Variants in ZSWIM7 observed in about 807,000 individuals in gnomAD.
ZSWIM7 encodes zinc finger SWIM-type containing 7, also known as zinc finger SWIM domain-containing protein 7.
Under a neutral mutation model 21.1 loss-of-function variants are expected in ZSWIM7, and 22 were observed. The observed-to-expected ratio is 1.04, with a 90% CI of 0.74 to 1.49. The LOEUF (loss-of-function observed/expected upper bound fraction) is 1.49, where lower values mean the gene tolerates loss of function less well. Ranked by LOEUF, ZSWIM7 falls within the 40% of genes most tolerant of loss-of-function variation. The probability of loss-of-function intolerance (pLI) is 0.00; values close to 1 mark genes in which losing one functional copy is unlikely to be tolerated. For synonymous variants in ZSWIM7, 67 were observed against 66.5 expected, an observed-to-expected ratio of 1.01 and a Z score of -0.04; for missense variants, 193 against 168.0, an observed-to-expected ratio of 1.15 and a Z score of -0.82.
intron 3 of ZSWIM7, among the ~76,000 whole-genome samples, chr17:15,985,259 A>G (rs1263433958): frequency 6.6e-6 from 1 of 151,580 alleles, no homozygotes; most frequent in Non-Finnish European, 1.5e-5. Flanking sequence ...AGCTAAGATC[A>G]TGCCAATGCA....
chr17:15,998,328 T>C (rs1336684090), intron 1 of ZSWIM7, among the ~76,000 whole-genome samples: 1 of 152,208 alleles, frequency 6.6e-6, no homozygotes, highest in Non-Finnish European at 1.5e-5. Context: ...TTCAAGCACA[T>C]ATACTTAAGT....
rs1195917485 is a variant in ZSWIM7 at position 15,978,957 on chromosome 17, TTTTTAA to T, written c.307-800_307-795del. 2.9e-4 allele frequency among the ~76,000 whole-genome samples: 44 copies of T among 151,730 alleles called. 1 individual carries two copies. In the East Asian group the frequency reaches 7.3e-3, roughly 25 times the overall value. ...TCTAGGCTACTCTCTCTTTTTTTTT[TTTTTAA>T]TTTTAATTTTAATTTTTGTTTTATT... On this transcript the variant is annotated intron_variant, in intron 4 of 4. Coordinates refer to ENST00000399277, the MANE Select transcript of ZSWIM7 (RefSeq NM_001042697.2).
intron 1 of ZSWIM7, among the ~76,000 whole-genome samples, chr17:15,995,699 C>T (rs763686185): frequency 2.1e-4 from 32 of 151,168 alleles, no homozygotes; most frequent in Non-Finnish European, 3.8e-4. Flanking sequence ...GTAAGTCAAC[C>T]AGAAGGACAA....
Position 15,991,271 on chromosome 17 carries a change from A to G in ZSWIM7, c.98+2486T>C, listed in dbSNP as rs556315026. On this transcript the variant is annotated intron_variant, in intron 2 of 4. Coordinates refer to ENST00000399277, the MANE Select transcript of ZSWIM7 (RefSeq NM_001042697.2). ...CTCCTCAAACTCCATGAATTGTTAG[A>G]TTGTTTCTATGTTTTATTGCTACCA... Among the ~76,000 whole-genome samples the G allele has an allele frequency of 3.9e-5, 6 of 152,192 alleles. No individual in the cohort carries two copies. In the South Asian group the frequency reaches 1.0e-3, roughly 26 times the overall value.
rs1970513044 is a variant in ZSWIM7 at position 15,993,741 on chromosome 17, C to T, written c.98+16G>A. The T allele has an allele frequency of 6.9e-7, 1 of 1,450,656 alleles. No individual in the cohort carries two copies. The highest frequency in any genetic ancestry group is 2.3e-5 in the East Asian group (1 of 43,050). The allele number at this position is 1,450,656 out of a possible 1,614,324, so 89.9% of individuals were successfully genotyped here. On this transcript the variant is annotated intron_variant, in intron 2 of 4. Transcript: ENST00000399277. ...ATGGTTAAAAAAAAATCAAATACAACAGTATATGTACTTACGATAACAGAT... is the reference window on the plus strand; with the variant it reads ...ATGGTTAAAAAAAAATCAAATACAATAGTATATGTACTTACGATAACAGAT...
intron 2 of ZSWIM7, among the ~76,000 whole-genome samples, chr17:15,989,399 C>G (rs562320653): frequency 6.6e-6 from 1 of 151,878 alleles, no homozygotes; most frequent in East Asian, 1.9e-4. Flanking sequence ...CTCACTGCAA[C>G]TTCTGCCTCC....
At position 15,987,327 on chromosome 17, in the gene ZSWIM7, T is replaced by C; in HGVS notation, c.140A>G (p.Asp47Gly). 1 of 1,613,622 alleles carries C rather than the reference T, an allele frequency of 6.2e-7. No individual in the cohort carries two copies. Among genetic ancestry groups the C allele is most frequent in the Non-Finnish European group, 8.5e-7 (1 of 1,179,826 alleles). Reference protein sequence around the residue: ...LFGSSATQALDLVDRQSITLI... With the variant: ...LFGSSATQALGLVDRQSITLI... Reference sequence around the variant, plus strand: ...GGTGATGGACTGTCGATCAACTAGGTCCAAGGCCTGGGTGGCTGATGAGCC... The same window carrying C: ...GGTGATGGACTGTCGATCAACTAGGCCCAAGGCCTGGGTGGCTGATGAGCC... The change falls in exon 3 of 5, where the codon GAC becomes GGC. Residue 47 changes from aspartate (D) to glycine (G), a missense_variant. Transcript: ENST00000399277.
intron 4 of ZSWIM7, among the ~76,000 whole-genome samples, chr17:15,979,882 C>T (rs1273392764): frequency 1.8e-5 from 1 of 54,750 alleles, no homozygotes; most frequent in Non-Finnish European, 3.4e-5. Flanking sequence ...GGGGCTGACC[C>T]CCCCACCTCC....
chr17:15,987,393 T>C, intron 2 of ZSWIM7, 25 bp from the exon 3 acceptor site: 6 of 1,593,002 alleles, frequency 3.8e-6, no homozygotes, highest in Non-Finnish European at 5.2e-6. Flanking sequence ...CACTTCAGAT[T>C]AGAAGGCCTG....
rs779182732 is a variant in ZSWIM7, at chr17:15,987,354, A to G, written c.113T>C (p.Phe38Ser). 1.9e-6 allele frequency: 3 copies of G among 1,613,168 alleles called. No individual in the cohort carries two copies. Among genetic ancestry groups the G allele is most frequent in the Admixed American group, 3.3e-5 (2 of 59,824 alleles). ...DEYLLSLKFLFGSSATQALDL... is the reference protein window; with the variant it reads ...DEYLLSLKFLSGSSATQALDL... Reference sequence around the variant, plus strand: ...CAAGGCCTGGGTGGCTGATGAGCCAAAGAGAAACTTCAGCCTGTGAAATAA... The same window carrying G: ...CAAGGCCTGGGTGGCTGATGAGCCAGAGAGAAACTTCAGCCTGTGAAATAA... The change falls in exon 3 of 5, where the codon TTT (phenylalanine) becomes TCT (serine). Residue 38 changes from phenylalanine (F) to serine (S), a missense_variant. By Grantham distance (155) the Phe-to-Ser change is radical. Coordinates refer to ENST00000399277, the MANE Select transcript of ZSWIM7 (RefSeq NM_001042697.2).
At chr17:15,995,489 C>T (rs560012815) in intron 1 of ZSWIM7, among the ~76,000 whole-genome samples, 3 of 150,908 alleles carry the variant, frequency 2.0e-5, no homozygotes, top group African/African-American at 4.9e-5. Context: ...CTCGAACTCC[C>T]GACTTCAGAT....
chr17:15,998,438 G>C (rs1011743646), intron 1 of ZSWIM7, among the ~76,000 whole-genome samples: 3 of 152,294 alleles, frequency 2.0e-5, no homozygotes, highest in African/African-American at 7.2e-5. Flanking sequence ...ATGCAGTACA[G>C]TACTTTTAAA....
intron 1 of ZSWIM7, among the ~76,000 whole-genome samples, chr17:15,996,024 T>C (rs1345786568): frequency 2.6e-5 from 4 of 152,206 alleles, no homozygotes; most frequent in Admixed American, 1.3e-4. Context: ...AGAAATATTA[T>C]TTCCAACAAA....
intron 2 of ZSWIM7, among the ~76,000 whole-genome samples, chr17:15,990,372 G>C (rs1322197560): frequency 6.6e-6 from 1 of 151,788 alleles, no homozygotes; most frequent in Non-Finnish European, 1.5e-5. Flanking sequence ...CTGAGTTGGA[G>C]TCTCACTGTG....
rs1200123979 is a variant in ZSWIM7, at chr17:15,978,133, G to T, written c.337C>A (p.Gln113Lys). The T allele has an allele frequency of 5.0e-6, 8 of 1,614,082 alleles. No homozygotes were observed. Among genetic ancestry groups the T allele is most frequent in the Non-Finnish European group, 6.8e-6 (8 of 1,179,982 alleles). Residue 113 changes from glutamine to lysine, a missense_variant, in exon 5 of 5, where the codon CAG becomes AAG. Physicochemically the swap from Gln to Lys is moderately conservative, Grantham distance 53. Coordinates refer to ENST00000399277, the MANE Select transcript of ZSWIM7 (RefSeq NM_001042697.2). The part of the protein sequence containing the change: ...CKHLLAVYLS[Q>K]VMRTCQQLSV... Reference sequence around the variant, plus strand: ...AGCTGCTGACAGGTCCTCATAACCTGACTCAGGTAAACTGCCAAGAGATGC... The same window carrying T: ...AGCTGCTGACAGGTCCTCATAACCTTACTCAGGTAAACTGCCAAGAGATGC...
At chr17:15,995,436 T>G (rs1970539050) in intron 1 of ZSWIM7, among the ~76,000 whole-genome samples, 1 of 139,808 alleles carries the variant, frequency 7.2e-6, no homozygotes, top group South Asian at 2.1e-4. Context: ...CCCAGCTAAT[T>G]TTTTTAGTAG....
chr17:15,997,149 C>T (rs1207109720), intron 1 of ZSWIM7, among the ~76,000 whole-genome samples: 1 of 139,950 alleles, frequency 7.1e-6, no homozygotes, highest in Admixed American at 6.9e-5. Flanking sequence ...GGGTGACAGA[C>T]TGTCTCAAAA....
At chr17:15,988,808 CAGG>C (rs1432132721) in intron 2 of ZSWIM7, among the ~76,000 whole-genome samples, 2 of 152,174 alleles carry the variant, frequency 1.3e-5, no homozygotes, top group African/African-American at 4.8e-5. Flanking sequence ...CACCAGAGGT[CAGG>C]AGATCGAGAC....
chr17:15,991,587 T>G (rs915894967), intron 2 of ZSWIM7, among the ~76,000 whole-genome samples: 3 of 152,222 alleles, frequency 2.0e-5, no homozygotes, highest in African/African-American at 7.2e-5. Flanking sequence ...TTTGTCTTTT[T>G]CCTCCCAAAG....
Sources: allele counts gnomAD v4.1 joint callset (sites outside exome capture counted in the v4.1 genomes callset), GRCh38; gene constraint gnomAD v4.1.1; transcripts MANE v1.5; gene names NCBI Gene and HGNC (gene_info 2026-07-23, HGNC 2026-07-21).